Variants in NPSR1 observed in about 807,000 individuals in gnomAD.
The protein encoded by NPSR1 is neuropeptide S receptor 1, also known as neuropeptide S receptor.
NPSR1 carries 48 observed loss-of-function variants against 46.9 expected under a neutral mutation model. The observed-to-expected ratio is 1.02, with a 90% CI of 0.81 to 1.30. NPSR1 has a LOEUF of 1.30. Ranked by LOEUF, NPSR1 falls within the 50% of genes most tolerant of loss-of-function variation. The pLI, the probability that NPSR1 is intolerant of heterozygous loss-of-function variation, is 0.00. For missense variants in NPSR1, 450 were observed against 449.5 expected, an observed-to-expected ratio of 1.00 and a Z score of -0.01; for synonymous variants, 176 against 168.1, an observed-to-expected ratio of 1.05 and a Z score of -0.36.
chr7:34,850,236 A>C (rs1438538507), downstream of NPSR1, among the ~76,000 whole-genome samples: 1 of 152,142 alleles, frequency 6.6e-6, no homozygotes, highest in Admixed American at 6.5e-5. Context: ...CTCCTATTCC[A>C]TCAACAAATG....
At chr7:34,812,432 C>T (rs922043317) in intron 4 of NPSR1, among the ~76,000 whole-genome samples, 1 of 152,108 alleles carries the variant, frequency 6.6e-6, no homozygotes, top group Non-Finnish European at 1.5e-5. Flanking sequence ...GCCCACAAAA[C>T]CCCTAGGAGA....
chr7:34,806,230 T>C (rs1184110656), intron 3 of NPSR1, among the ~76,000 whole-genome samples: 1 of 152,106 alleles, frequency 6.6e-6, no homozygotes, highest in East Asian at 1.9e-4. Context: ...ATGTTTATTG[T>C]AGCTTTATTC....
chr7:34,686,790 A>T (rs1302689601), intron 2 of NPSR1, among the ~76,000 whole-genome samples: 1 of 151,952 alleles, frequency 6.6e-6, no homozygotes, highest in East Asian at 1.9e-4. Flanking sequence ...TTCTTTGTTT[A>T]AAGGACTTTT....
rs552306860 is a variant in NPSR1, at chr7:34,663,657, C to A, written c.147+5098C>A. On this transcript the variant is annotated intron_variant, in intron 1 of 8. Coordinates refer to ENST00000360581, the MANE Select transcript of NPSR1 (RefSeq NM_207172.2). ...TCATTGTCTCAGTTGCCTCGCATCT[C>A]CCCAGCATCTGACACCACTGCTGCG... Among the ~76,000 whole-genome samples, 14 of 152,328 alleles carry A rather than the reference C, an allele frequency of 9.2e-5. 1 individual carries two copies. In the East Asian group the frequency reaches 2.5e-3, roughly 27 times the overall value.
At chr7:34,869,524 A>G (rs1423621619) in intron 8 of NPSR1, among the ~76,000 whole-genome samples, 1 of 151,646 alleles carries the variant, frequency 6.6e-6, no homozygotes, top group Non-Finnish European at 1.5e-5. Flanking sequence ...CACTGCTTTC[A>G]CAACAATCAG....
intron 2 of NPSR1, among the ~76,000 whole-genome samples, chr7:34,732,151 A>G (rs2128714244): frequency 6.6e-6 from 1 of 152,260 alleles, no homozygotes; most frequent in African/African-American, 2.4e-5. Context: ...ACTGATACTA[A>G]AAGTCTATCA....
At chr7:34,715,476 T>G (rs924970043) in intron 2 of NPSR1, among the ~76,000 whole-genome samples, 1 of 152,200 alleles carries the variant, frequency 6.6e-6, no homozygotes, top group Non-Finnish European at 1.5e-5. Context: ...TATCTTAAAC[T>G]TGTGGCAGAA....
At chr7:34,820,434 G>C (rs913965230) in intron 4 of NPSR1, among the ~76,000 whole-genome samples, 7 of 152,162 alleles carry the variant, frequency 4.6e-5, no homozygotes, top group African/African-American at 1.7e-4. Context: ...TAGTTATTAT[G>C]ATAGGGGAGG....
chr7:34,783,331 G>C (rs1239879192), intron 3 of NPSR1, among the ~76,000 whole-genome samples: 2 of 152,102 alleles, frequency 1.3e-5, no homozygotes, highest in Non-Finnish European at 2.9e-5. Context: ...GGTGGCAGGA[G>C]AGAGAAGAAT....
chr7:34,858,497 C>T (rs1791101387), intron 8 of NPSR1, among the ~76,000 whole-genome samples: 2 of 151,736 alleles, frequency 1.3e-5, no homozygotes, highest in African/African-American at 4.9e-5. Flanking sequence ...ATTAAATTAT[C>T]ATATTTAGCA....
At chr7:34,843,876 G>A (rs534996882) in intron 6 of NPSR1, among the ~76,000 whole-genome samples, 2 of 152,354 alleles carry the variant, frequency 1.3e-5, no homozygotes, top group East Asian at 3.9e-4. Flanking sequence ...TCTGACCAGG[G>A]CCACCACTAG....
chr7:34,836,310 T>C (rs543678090), intron 6 of NPSR1, among the ~76,000 whole-genome samples: 1 of 152,284 alleles, frequency 6.6e-6, no homozygotes, highest in African/African-American at 2.4e-5. Flanking sequence ...CTCTATCAGA[T>C]ATCAAATAAA....
At chr7:34,714,510 G>T (rs1246290923) in intron 2 of NPSR1, among the ~76,000 whole-genome samples, 1 of 152,206 alleles carries the variant, frequency 6.6e-6, no homozygotes, top group Non-Finnish European at 1.5e-5. Flanking sequence ...GTGCACTTCA[G>T]AAGTGACCGT....
At chr7:34,849,330 A>T in intron 8 of NPSR1, 1 of 1,548,356 alleles carries the variant, frequency 6.5e-7, no homozygotes, top group Non-Finnish European at 8.7e-7. Context: ...CAGGGCTAAT[A>T]GCAGTGTCTA....
At chr7:34,872,708 C>T (rs138098173) in intron 8 of NPSR1, among the ~76,000 whole-genome samples, 2,944 of 151,726 alleles carry the variant, frequency 0.019, 67 homozygotes, top group Middle Eastern at 0.048. Context: ...AGAGAGAACT[C>T]CTCTTTATAA....
intron 2 of NPSR1, among the ~76,000 whole-genome samples, chr7:34,760,758 G>T (rs1188806804): frequency 6.6e-6 from 1 of 152,150 alleles, no homozygotes. Flanking sequence ...TGAGGGAAAT[G>T]CACAGCAAGA....
chr7:34,684,748 T>C (rs188134146), intron 2 of NPSR1, 64 bp downstream of exon 2: 507 of 1,329,026 alleles, frequency 3.8e-4, no homozygotes, highest in Admixed American at 7.7e-4. Context: ...TTCCTGCTTT[T>C]AATGAATTTT....
At chr7:34,784,302 A>G (rs1787362636) in intron 3 of NPSR1, among the ~76,000 whole-genome samples, 1 of 152,100 alleles carries the variant, frequency 6.6e-6, no homozygotes, top group Admixed American at 6.6e-5. Flanking sequence ...CCCATTCAGT[A>G]TGATATTGGC....
chr7:34,769,590 T>C (rs1197864295), intron 2 of NPSR1, among the ~76,000 whole-genome samples: 1 of 152,240 alleles, frequency 6.6e-6, no homozygotes, highest in Non-Finnish European at 1.5e-5. Flanking sequence ...AAGTAGTTTC[T>C]CATCTCCATA....
Sources: gnomAD v4.1 joint callset for allele counts (sites outside exome capture counted in the v4.1 genomes callset) on GRCh38, gnomAD v4.1.1 for gene constraint, MANE v1.5 for transcripts, NCBI Gene and HGNC (gene_info 2026-07-23, HGNC 2026-07-21) for gene names.